Variants in NSMCE2 observed in about 807,000 individuals in gnomAD.
NSMCE2 encodes the protein NSE2 SUMO ligase component of SMC5/6 complex.
In NSMCE2, 24 loss-of-function variants were observed where a neutral mutation model predicts 23.8. That is an observed-to-expected ratio of 1.01 (90% CI 0.73 to 1.42). The LOEUF (loss-of-function observed/expected upper bound fraction) is 1.42, where lower values mean the gene tolerates loss of function less well. NSMCE2 is among the 40% of genes most tolerant of loss of function. The pLI is 0.00. For missense variants in NSMCE2, 284 were observed against 296.5 expected (o/e 0.96, Z 0.31); for synonymous variants, 92 against 94.1 (o/e 0.98, Z 0.13).
intron 3 of NSMCE2, among the ~76,000 whole-genome samples, chr8:125,109,302 C>T (rs1205540522): frequency 6.6e-6 from 1 of 152,114 alleles, no homozygotes; most frequent in East Asian, 1.9e-4. Context: ...TAATATTTTA[C>T]AAATTACTTA....
At chr8:125,157,620 A>T (rs1363453005) in intron 4 of NSMCE2, among the ~76,000 whole-genome samples, 3 of 152,236 alleles carry the variant, frequency 2.0e-5, no homozygotes, top group Non-Finnish European at 4.4e-5. Flanking sequence ...TGAATATAGT[A>T]TCCCACTAAT....
At chr8:125,255,004 C>T (rs187206615) in intron 5 of NSMCE2, among the ~76,000 whole-genome samples, 19 of 152,204 alleles carry the variant, frequency 1.2e-4, no homozygotes, top group African/African-American at 4.3e-4. Context: ...GCAGAAATGA[C>T]GCATTGTATC....
chr8:125,159,932 T>G (rs1268532988), intron 4 of NSMCE2, among the ~76,000 whole-genome samples: 1 of 150,866 alleles, frequency 6.6e-6, no homozygotes, highest in Admixed American at 6.6e-5. Flanking sequence ...TGCACTCCAG[T>G]CTGGGTGACA....
intron 5 of NSMCE2, among the ~76,000 whole-genome samples, chr8:125,299,757 A>G (rs1828476271): frequency 6.9e-6 from 1 of 145,744 alleles, no homozygotes; most frequent in South Asian, 2.2e-4. Flanking sequence ...AGAGAATGCC[A>G]TGTAGTTTGA....
intron 5 of NSMCE2, among the ~76,000 whole-genome samples, chr8:125,215,186 C>T (rs1229220582): frequency 4.8e-5 from 6 of 125,844 alleles, no homozygotes; most frequent in Admixed American, 1.7e-4. Context: ...TGCTATCCCT[C>T]CCCCCTCCCC....
intron 5 of NSMCE2, among the ~76,000 whole-genome samples, chr8:125,310,116 C>T (rs1828922296): frequency 6.6e-6 from 1 of 152,168 alleles, no homozygotes; most frequent in Non-Finnish European, 1.5e-5. Context: ...GGAAACTAAT[C>T]GTTTGTGTAA....
chr8:125,363,352 A>T (rs746454191), intron 7 of NSMCE2: 1 of 151,918 alleles, frequency 6.6e-6, no homozygotes, highest in Non-Finnish European at 1.5e-5. Flanking sequence ...AAAATTTTTT[A>T]AAAATTAGCC....
At chr8:125,333,765 G>A (rs551557904) in intron 5 of NSMCE2, among the ~76,000 whole-genome samples, 25 of 151,874 alleles carry the variant, frequency 1.6e-4, no homozygotes, top group Non-Finnish European at 7.4e-5. Flanking sequence ...CGCCCGCCTC[G>A]GCCTCCCAAA....
intron 5 of NSMCE2, among the ~76,000 whole-genome samples, chr8:125,332,145 T>A (rs528669667): frequency 2.0e-5 from 3 of 152,356 alleles, no homozygotes; most frequent in Admixed American, 1.3e-4. Context: ...TTATTTATTA[T>A]CCTCTTCCCA....
chr8:125,246,711 A>G (rs1243801596), intron 5 of NSMCE2, among the ~76,000 whole-genome samples: 1 of 152,166 alleles, frequency 6.6e-6, no homozygotes, highest in Non-Finnish European at 1.5e-5. Flanking sequence ...TTATTTTATG[A>G]AGCTAGGGTA....
intron 5 of NSMCE2, among the ~76,000 whole-genome samples, chr8:125,202,092 G>A (rs751670715): frequency 5.3e-5 from 8 of 152,254 alleles, no homozygotes; most frequent in Non-Finnish European, 1.0e-4. Context: ...TTTGGCGAGA[G>A]TGTCCTGTTT....
In NSMCE2 at chr8:125,256,788, G is replaced by A. The variant is rs559426573; in HGVS notation, c.418+74532G>A. 4.6e-5 allele frequency among the ~76,000 whole-genome samples: 7 copies of A among 151,872 alleles called. 1 individual carries two copies. In the South Asian group the frequency reaches 1.5e-3, roughly 32 times the overall value. ...AAAATACAAAAAATCAGCTGGGCGT[G>A]GTGGCACATGCCTGTAGTCCCAGCT... On this transcript the variant is annotated intron_variant, in intron 5 of 7. Coordinates refer to ENST00000287437, the MANE Select transcript of NSMCE2 (RefSeq NM_173685.4).
intron 5 of NSMCE2, among the ~76,000 whole-genome samples, chr8:125,337,236 C>T (rs1830088272): frequency 6.6e-6 from 1 of 152,164 alleles, no homozygotes; most frequent in African/African-American, 2.4e-5. Context: ...AAACATATTC[C>T]AGCCACTGAT....
chr8:125,355,699 CAAAAAAAAAAAA>C (rs140692089), intron 5 of NSMCE2, among the ~76,000 whole-genome samples: 1 of 46,758 alleles, frequency 2.1e-5, no homozygotes, highest in East Asian at 7.6e-4. Flanking sequence ...GACTCCATCT[CAAAAAAAAAAAA>C]AAAAAAAAAA....
At chr8:125,194,909 G>T (rs1823541301) in intron 5 of NSMCE2, among the ~76,000 whole-genome samples, 1 of 151,986 alleles carries the variant, frequency 6.6e-6, no homozygotes, top group South Asian at 2.1e-4. Context: ...TAATGTTCAT[G>T]TTTGTCTATT....
intron 5 of NSMCE2, among the ~76,000 whole-genome samples, chr8:125,247,340 A>T (rs573612145): frequency 6.6e-5 from 10 of 152,280 alleles, no homozygotes; most frequent in African/African-American, 2.4e-4. Flanking sequence ...CTCCAAAAAA[A>T]AAAGTTAAGG....
At position 125,155,872 on chromosome 8, in the gene NSMCE2, A is replaced by T. The variant is rs1426035622; in HGVS notation, c.264+4595A>T. ...CACTATCATGGGGGTAGTCCTTGCA[A>T]TGTTTTTCTAACCTTAATTCTCACA... On this transcript the variant is annotated intron_variant, in intron 4 of 7. Transcript: ENST00000287437. 4.7e-5 allele frequency: 20 copies of T among 424,192 alleles called. No homozygotes were observed. In the East Asian group the frequency reaches 1.3e-3, roughly 28 times the overall value. The allele number at this position is 424,192 out of a possible 1,614,324, so 26.3% of individuals were successfully genotyped here. A position where few individuals can be genotyped will look rare whatever the true frequency, so the allele number is the denominator to read the frequency against.
chr8:125,298,650 G>A (rs111703377), intron 5 of NSMCE2, among the ~76,000 whole-genome samples: 1,642 of 149,752 alleles, frequency 0.011, 19 homozygotes, highest in Middle Eastern at 0.025. Context: ...GTGACCAGTG[G>A]TTCTTAACAG....
chr8:125,146,908 A>G (rs916431127), intron 3 of NSMCE2, among the ~76,000 whole-genome samples: 12 of 151,086 alleles, frequency 7.9e-5, no homozygotes, highest in Admixed American at 7.3e-4. Context: ...AAAACAAAAC[A>G]AAAAAAAACA....
Sources: gnomAD v4.1 joint callset for allele counts (sites outside exome capture counted in the v4.1 genomes callset) on GRCh38, gnomAD v4.1.1 for gene constraint, MANE v1.5 for transcripts, NCBI Gene and HGNC (gene_info 2026-07-23, HGNC 2026-07-21) for gene names.